GPC5: variants seen among roughly 807,000 people sequenced by gnomAD.
GPC5 encodes the protein glypican 5, also known as glypican-5.
In GPC5, 47 loss-of-function variants were observed where a neutral mutation model predicts 53.9. That is an observed-to-expected ratio of 0.87 (90% CI 0.69 to 1.11). GPC5 has a LOEUF of 1.11. Ranked by LOEUF, GPC5 falls within the 50% of genes most tolerant of loss-of-function variation. The pLI, the probability that GPC5 is intolerant of heterozygous loss-of-function variation, is 0.00. For missense variants in GPC5, 748 were observed against 713.1 expected, an observed-to-expected ratio of 1.05 and a Z score of -0.56; for synonymous variants, 286 against 263.3, an observed-to-expected ratio of 1.09 and a Z score of -0.84.
chr13:91,654,325 A>G (rs1452038077), intron 2 of GPC5, among the ~76,000 whole-genome samples: 2 of 152,322 alleles, frequency 1.3e-5, no homozygotes, highest in East Asian at 1.9e-4. Context: ...CACTCATTAC[A>G]TTGACCACTG....
chr13:91,434,167 T>G (rs1167207994), intron 1 of GPC5, among the ~76,000 whole-genome samples: 2 of 152,250 alleles, frequency 1.3e-5, no homozygotes, highest in Non-Finnish European at 2.9e-5. Context: ...TTCAGGCTGA[T>G]GGTAGTTTCT....
intron 7 of GPC5, among the ~76,000 whole-genome samples, chr13:92,812,337 C>G (rs1393186486): frequency 6.6e-6 from 1 of 151,858 alleles, no homozygotes; most frequent in Non-Finnish European, 1.5e-5. Context: ...CTTTGTGACA[C>G]TATTGTTTTC....
chr13:91,501,077 G>T (rs930619059), intron 2 of GPC5, among the ~76,000 whole-genome samples: 1 of 151,886 alleles, frequency 6.6e-6, no homozygotes, highest in Non-Finnish European at 1.5e-5. Flanking sequence ...CCCAGTCTTG[G>T]GTATGTCTTT....
At chr13:91,724,302 A>C (rs1002159850) in intron 3 of GPC5, among the ~76,000 whole-genome samples, 7 of 152,138 alleles carry the variant, frequency 4.6e-5, no homozygotes, top group African/African-American at 1.7e-4. Context: ...GTAATCTATT[A>C]ACCGCCTCTC....
chr13:91,715,321 A>G (rs1446617480), intron 3 of GPC5, among the ~76,000 whole-genome samples: 1 of 151,318 alleles, frequency 6.6e-6, no homozygotes, highest in Non-Finnish European at 1.5e-5. Flanking sequence ...ATAAAACATT[A>G]TATGAGTATG....
chr13:91,701,746 G>T (rs971575570), intron 3 of GPC5, among the ~76,000 whole-genome samples: 1 of 152,016 alleles, frequency 6.6e-6, no homozygotes, highest in African/African-American at 2.4e-5. Context: ...GAATACTGCT[G>T]CAATAAACAT....
At chr13:92,395,857 T>G (rs1875243998) in intron 7 of GPC5, among the ~76,000 whole-genome samples, 1 of 152,050 alleles carries the variant, frequency 6.6e-6, no homozygotes, top group Admixed American at 6.5e-5. Context: ...ATTTTCTCTT[T>G]GTTTTGGTTT....
intron 5 of GPC5, among the ~76,000 whole-genome samples, chr13:91,850,799 A>G (rs1188850379): frequency 8.6e-6 from 1 of 116,156 alleles, no homozygotes; most frequent in Admixed American, 8.4e-5. Flanking sequence ...AGATTCCACC[A>G]TTGATCTACA....
intron 2 of GPC5, among the ~76,000 whole-genome samples, chr13:91,652,173 T>G (rs1390698403): frequency 2.0e-5 from 3 of 152,200 alleles, no homozygotes; most frequent in Non-Finnish European, 2.9e-5. Flanking sequence ...ATGTTTCCAT[T>G]TATGTTTTCC....
At chr13:92,498,420 C>T (rs1880058861) in intron 7 of GPC5, among the ~76,000 whole-genome samples, 1 of 152,112 alleles carries the variant, frequency 6.6e-6, no homozygotes, top group African/African-American at 2.4e-5. Context: ...CAGTTAAATG[C>T]TGCTATTTTG....
At chr13:91,678,868 A>G (rs1042621354) in intron 2 of GPC5, among the ~76,000 whole-genome samples, 11 of 152,136 alleles carry the variant, frequency 7.2e-5, no homozygotes, top group Admixed American at 6.6e-4. Flanking sequence ...GCCATGTACT[A>G]CTTAACAAAA....
At chr13:92,661,796 TA>T (rs1232643270) in intron 7 of GPC5, among the ~76,000 whole-genome samples, 6 of 152,222 alleles carry the variant, frequency 3.9e-5, no homozygotes, top group Admixed American at 1.3e-4. Flanking sequence ...TATGCCAGCT[TA>T]AATCGTCATT....
At chr13:91,892,876 T>G (rs1459131149) in intron 5 of GPC5, among the ~76,000 whole-genome samples, 1 of 151,966 alleles carries the variant, frequency 6.6e-6, no homozygotes, top group Non-Finnish European at 1.5e-5. Context: ...TTCACAAACA[T>G]TTATCTTTTT....
chr13:91,770,461 C>A (rs1025297502), intron 5 of GPC5, among the ~76,000 whole-genome samples: 1 of 152,044 alleles, frequency 6.6e-6, no homozygotes, highest in African/African-American at 2.4e-5. Flanking sequence ...TTCTGGTGAC[C>A]AGCCCCCATC....
intron 7 of GPC5, among the ~76,000 whole-genome samples, chr13:92,616,568 C>T (rs1884697665): frequency 6.6e-6 from 1 of 152,126 alleles, no homozygotes; most frequent in Admixed American, 6.6e-5. Context: ...ATTGTTCTTC[C>T]TATTTTACTA....
chr13:91,677,162 A>G (rs1331463018), intron 2 of GPC5, among the ~76,000 whole-genome samples: 1 of 152,228 alleles, frequency 6.6e-6, no homozygotes, highest in Non-Finnish European at 1.5e-5. Context: ...AGCAGAATAG[A>G]TAATTCTTTC....
chr13:92,370,031 T>C (rs1389779768), intron 7 of GPC5, among the ~76,000 whole-genome samples: 1 of 152,200 alleles, frequency 6.6e-6, no homozygotes, highest in Non-Finnish European at 1.5e-5. Context: ...CCTTCTCTGT[T>C]AGAATCACTA....
chr13:91,512,916 G>A (rs1386704341), intron 2 of GPC5, among the ~76,000 whole-genome samples: 2 of 152,014 alleles, frequency 1.3e-5, no homozygotes, highest in African/African-American at 4.8e-5. Context: ...ATTATTAAGG[G>A]TAGAAAAAAG....
chr13:92,622,259 T>C (rs1402537770), intron 7 of GPC5, among the ~76,000 whole-genome samples: 1 of 152,170 alleles, frequency 6.6e-6, no homozygotes, highest in African/African-American at 2.4e-5. Flanking sequence ...CTCCTGGAGG[T>C]CTGTCCTCAG....
Sources: allele counts gnomAD v4.1 joint callset (sites outside exome capture counted in the v4.1 genomes callset), GRCh38; gene constraint gnomAD v4.1.1; transcripts MANE v1.5; gene names NCBI Gene and HGNC (gene_info 2026-07-23, HGNC 2026-07-21).